The following NOL11 variants were observed in gnomAD, a reference collection of about 807,000 sequenced individuals.
The protein encoded by NOL11 is nucleolar protein 11.
A neutral mutation model predicts 93.0 loss-of-function variants in NOL11; 42 were observed. That is an observed-to-expected ratio of 0.45 (90% CI 0.35 to 0.58). The LOEUF is 0.58. NOL11 is among the 20% of genes least tolerant of loss of function. The probability of loss-of-function intolerance (pLI) is 0.00; values close to 1 mark genes in which losing one functional copy is unlikely to be tolerated. For synonymous variants in NOL11, 296 were observed against 293.7 expected (o/e 1.01, Z -0.08); for missense variants, 775 against 841.8 (o/e 0.92, Z 0.98).
intron 3 of NOL11, chr17:67,720,256 T>C (rs2043207925): frequency 4.6e-6 from 1 of 215,108 alleles, no homozygotes. Flanking sequence ...TTTCTTAGAA[T>C]AGGTAGAATA....
At chr17:67,743,644 C>G in intron 17 of NOL11, 58 bp downstream of exon 17, 1 of 1,247,704 alleles carries the variant, frequency 8.0e-7, no homozygotes, top group Non-Finnish European at 1.1e-6. Flanking sequence ...ACCTGAATTA[C>G]AATTATTCTT....
Position 67,723,370 on chromosome 17 carries a change from ATTTTTTTTTTTTTTTTTT to A in NOL11, c.520-659_520-642del, listed in dbSNP as rs568396700. 8.4e-4 allele frequency among the ~76,000 whole-genome samples: 51 copies of A among 60,772 alleles called. 1 individual carries two copies. Among genetic ancestry groups the A allele is most frequent in the Middle Eastern group, 0.017 (1 of 60 alleles). The allele number at this position is 60,772 out of a possible 152,430, so 39.9% of individuals were successfully genotyped here. On this transcript the variant is annotated intron_variant, in intron 5 of 17. Coordinates refer to ENST00000253247, the MANE Select transcript of NOL11 (RefSeq NM_015462.5). ...TCGTTATTCTCTCAGAAGATCTCTA[ATTTTTTTTTTTTTTTTTT>A]TTTTTTTTTTTTTTTTTTTGAGACG... is the stretch of plus-strand genomic sequence containing the variant.
Position 67,734,372 on chromosome 17 carries a change from C to G in NOL11, c.863C>G (p.Ser288Cys). ...ATGTCTTATTTTATAGAATGCCTCT[C>G]TGTATGGAACATAAAATTTCAAACA... is the stretch of plus-strand genomic sequence containing the variant. ...SPLAASKECL[S>C]VWNIKFQTLQ... The change falls in exon 8 of 18, where the codon TCT (serine) becomes TGT (cysteine). Residue 288 changes from serine (S) to cysteine (C), a missense_variant. By Grantham distance (112) the Ser-to-Cys change is moderately radical. Transcript: ENST00000253247. 6.3e-7 allele frequency: 1 copy of G among 1,588,732 alleles called. No individual in the cohort carries two copies. Among genetic ancestry groups the G allele is most frequent in the Non-Finnish European group, 8.6e-7 (1 of 1,157,532 alleles).
chr17:67,735,066 A>C (rs983901214), intron 8 of NOL11, among the ~76,000 whole-genome samples: 1 of 152,190 alleles, frequency 6.6e-6, no homozygotes, highest in Admixed American at 6.5e-5. Context: ...CTTTTAGATT[A>C]TGTGTTAAAT....
At chr17:67,727,012 T>C (rs906226016) in intron 7 of NOL11, 1 of 161,130 alleles carries the variant, frequency 6.2e-6, no homozygotes, top group African/African-American at 2.4e-5. Flanking sequence ...CCACTGGACA[T>C]GAACACCTTG....
In NOL11 at chr17:67,721,362, T is replaced by C; in HGVS notation, c.313-16T>C. Reference sequence around the variant, plus strand: ...TTGTTTTAGAATAAAAATTAAAATTTTTTATGTTCTTCCAGTTGTCAGCAG... The same window carrying C: ...TTGTTTTAGAATAAAAATTAAAATTCTTTATGTTCTTCCAGTTGTCAGCAG... On this transcript the variant is annotated splice_polypyrimidine_tract_variant and intron_variant, in intron 3 of 17. Transcript: ENST00000253247. 1 of 1,493,342 alleles carries C rather than the reference T, an allele frequency of 6.7e-7. No individual in the cohort carries two copies. Among genetic ancestry groups the C allele is most frequent in the Non-Finnish European group, 8.9e-7 (1 of 1,119,778 alleles). The allele number at this position is 1,493,342 out of a possible 1,614,324, so 92.5% of individuals were successfully genotyped here. A position where few individuals can be genotyped will look rare whatever the true frequency, so the allele number is the denominator to read the frequency against.
At position 67,743,921 on chromosome 17, in the gene NOL11, C is replaced by T. The variant is rs773257453; in HGVS notation, c.*62C>T. ...TCTTTTATGTGAACTCTTGCTTCAT[C>T]CAGGCAAGAACGGTGTTTTGTTTGC... is the stretch of plus-strand genomic sequence containing the variant. On this transcript the variant is annotated 3_prime_UTR_variant, in exon 18 of 18. Coordinates refer to ENST00000253247, the MANE Select transcript of NOL11 (RefSeq NM_015462.5). 1 of 850,670 alleles carries T rather than the reference C, an allele frequency of 1.2e-6. No homozygotes were observed. The highest frequency in any genetic ancestry group is 1.9e-6 in the Non-Finnish European group (1 of 536,920). 52.7% of individuals were successfully genotyped at this position (850,670 alleles called of 1,614,324 possible). A position where few individuals can be genotyped will look rare whatever the true frequency, so the allele number is the denominator to read the frequency against.
At position 67,740,820 on chromosome 17, in the gene NOL11, T is replaced by G. The variant is rs74723063; in HGVS notation, c.1935+1212T>G. ...CATAGAAGCAGTAAAAACAATAAAT[T>G]GTTTTGGTTTGGTAATATGTTATTC... On this transcript the variant is annotated intron_variant, in intron 16 of 17. Transcript: ENST00000253247. The G allele has an allele frequency of 4.3e-3, 664 of 154,550 alleles. 7 individuals carry two copies. Among genetic ancestry groups the G allele is most frequent in the African/African-American group, 0.015 (618 of 41,564 alleles). The allele number at this position is 154,550 out of a possible 1,614,324, so 9.6% of individuals were successfully genotyped here.
In NOL11 at chr17:67,737,488, C is replaced by A; in HGVS notation, c.1219-20C>A. 1.9e-6 allele frequency: 3 copies of A among 1,582,466 alleles called. No individual in the cohort carries two copies. Among genetic ancestry groups the A allele is most frequent in the East Asian group, 2.2e-5 (1 of 44,696 alleles). ...ATTCGTTAATGTGCCAAACTGAATT[C>A]TTTAATTCTGCGCTTTCAGAAAGAT... is the stretch of plus-strand genomic sequence containing the variant. On this transcript the variant is annotated intron_variant, in intron 11 of 17. Coordinates refer to ENST00000253247, the MANE Select transcript of NOL11 (RefSeq NM_015462.5).
At chr17:67,734,302 C>T in intron 7 of NOL11, 61 bp from the exon 8 acceptor site, 2 of 923,466 alleles carry the variant, frequency 2.2e-6, no homozygotes, top group Middle Eastern at 2.1e-4. Flanking sequence ...CTCCCCCCTT[C>T]CCCAAAATAT....
intron 7 of NOL11, among the ~76,000 whole-genome samples, chr17:67,731,326 C>T (rs2055153216): frequency 6.4e-4 from 2 of 3,120 alleles, no homozygotes; most frequent in Non-Finnish European, 7.8e-4. Flanking sequence ...TGCTGTGGCG[C>T]GATCTCCGCT....
intron 7 of NOL11, among the ~76,000 whole-genome samples, chr17:67,728,242 A>G (rs1381225646): frequency 6.6e-6 from 1 of 152,246 alleles, no homozygotes; most frequent in Admixed American, 6.5e-5. Flanking sequence ...CCTGGGGGAC[A>G]GAGCAAGACT....
At position 67,719,407 on chromosome 17, in the gene NOL11, C is replaced by A. The variant is rs147892130; in HGVS notation, c.142-267C>A. 2.0e-3 allele frequency: 487 copies of A among 244,626 alleles called. 8 individuals are homozygous for A. In the East Asian group the frequency reaches 0.023, roughly 11 times the overall value. The allele number at this position is 244,626 out of a possible 1,614,324, so 15.2% of individuals were successfully genotyped here. The stretch of plus-strand genomic sequence containing the variant: ...TCCTGAGTAATTGGGGTTACAGGCG[C>A]ACGCCACCACGCCCGGCTAATTTTT... On this transcript the variant is annotated intron_variant, in intron 1 of 17. Coordinates refer to ENST00000253247, the MANE Select transcript of NOL11 (RefSeq NM_015462.5).
Position 67,724,099 on chromosome 17 carries a change from C to A in NOL11, c.570C>A (p.Thr190=). 2 of 1,583,600 alleles carry A rather than the reference C, an allele frequency of 1.3e-6. No homozygotes were observed. Among genetic ancestry groups the A allele is most frequent in the Non-Finnish European group, 8.6e-7 (1 of 1,164,798 alleles). Residue 190 remains threonine, a synonymous_variant, in exon 6 of 18, where the codon ACC becomes ACA. Coordinates refer to ENST00000253247, the MANE Select transcript of NOL11 (RefSeq NM_015462.5). The part of the protein sequence containing the change: ...YVQMFNSRIL[T]KYTLLLGQDE... ...AAATGTTTAACTCACGTATCTTAAC[C>A]AAATATACACTCTTACTTGGACAAG...
intron 6 of NOL11, 94 bp downstream of exon 6, chr17:67,724,287 C>A: frequency 1.1e-5 from 7 of 641,536 alleles, no homozygotes; most frequent in East Asian, 6.2e-5. Flanking sequence ...GTGAAGCATT[C>A]AGTTACAGCC....
At chr17:67,735,664 T>A (rs995836935) in intron 8 of NOL11, among the ~76,000 whole-genome samples, 2 of 152,182 alleles carry the variant, frequency 1.3e-5, no homozygotes, top group African/African-American at 4.8e-5. Flanking sequence ...TTTTAAAATG[T>A]ATATGTTGAT....
Position 67,736,011 on chromosome 17 carries a change from A to G in NOL11, c.1042A>G (p.Ser348Gly). The G allele has an allele frequency of 3.7e-6, 6 of 1,605,304 alleles. No individual in the cohort carries two copies. Among genetic ancestry groups the G allele is most frequent in the Non-Finnish European group, 5.1e-6 (6 of 1,176,272 alleles). ...LAGALGKLKH[S>G]QDPGTHVVSH... Reference sequence around the variant, plus strand: ...AGGTGCTCTTGGAAAACTCAAGCATAGTCAAGATCCAGGTAGAAACTTACT... The same window carrying G: ...AGGTGCTCTTGGAAAACTCAAGCATGGTCAAGATCCAGGTAGAAACTTACT... Residue 348 changes from serine (S) to glycine (G), a missense_variant, in exon 9 of 18, where the codon AGT becomes GGT. Around this residue, in one of 2 missense-constraint regions of NOL11, gnomAD observed 416 missense variants for 525.2 expected, o/e 0.79. Coordinates refer to ENST00000253247, the MANE Select transcript of NOL11 (RefSeq NM_015462.5).
At chr17:67,720,144 T>C (rs2043206972) in intron 3 of NOL11, among the ~76,000 whole-genome samples, 182 bp downstream of exon 3, 1 of 152,114 alleles carries the variant, frequency 6.6e-6, no homozygotes, top group South Asian at 2.1e-4. Context: ...GTTAAGGAGA[T>C]GAGGATTTAT....
rs763219327 is a variant in NOL11, at chr17:67,743,455, C to T, written c.1936-24C>T. On this transcript the variant is annotated intron_variant, in intron 16 of 17. Coordinates refer to ENST00000253247, the MANE Select transcript of NOL11 (RefSeq NM_015462.5). ...CCTGAAGTTAAATTTAAAATCTTAA[C>T]TTCCTTTTCCTATTCATCTTCAGAT... is the stretch of plus-strand genomic sequence containing the variant. 1.1e-5 allele frequency: 12 copies of T among 1,064,840 alleles called. No homozygotes were observed. In the South Asian group the frequency reaches 1.7e-4, roughly 15 times the overall value. The allele number at this position is 1,064,840 out of a possible 1,614,324, so 66.0% of individuals were successfully genotyped here.
Sources: allele counts gnomAD v4.1 joint callset (sites outside exome capture counted in the v4.1 genomes callset), GRCh38; gene constraint gnomAD v4.1.1; regional missense constraint gnomAD v4.1.1; transcripts MANE v1.5; gene names NCBI Gene and HGNC (gene_info 2026-07-23, HGNC 2026-07-21).